The following RALGAPA1 variants were observed in gnomAD, a reference collection of about 807,000 sequenced individuals.
RALGAPA1 encodes Ral GTPase activating protein catalytic subunit alpha 1.
In RALGAPA1, 52 loss-of-function variants were observed where a neutral mutation model predicts 269.6. That is an observed-to-expected ratio of 0.19 (90% CI 0.15 to 0.24). The LOEUF (loss-of-function observed/expected upper bound fraction) is 0.24. Ranked by LOEUF, RALGAPA1 falls within the 10% of genes least tolerant of loss-of-function variation. RALGAPA1 has a pLI of 1.00. For synonymous variants in RALGAPA1, 817 were observed against 1,008.3 expected, an observed-to-expected ratio of 0.81 and a Z score of 3.60; for missense variants, 1,917 against 3,013.9, an observed-to-expected ratio of 0.64 and a Z score of 8.52.
intron 22 of RALGAPA1, among the ~76,000 whole-genome samples, chr14:35,675,729 C>T (rs1442467483): frequency 1.3e-5 from 2 of 151,988 alleles, no homozygotes; most frequent in Admixed American, 6.5e-5. Context: ...TTATTCTACT[C>T]AATGTATATA....
Position 35,721,694 on chromosome 14 carries a change from T to C in RALGAPA1, c.2260A>G (p.Thr754Ala). 1.2e-6 allele frequency: 2 copies of C among 1,612,586 alleles called. No homozygotes were observed. The highest frequency in any genetic ancestry group is 1.7e-6 in the Non-Finnish European group (2 of 1,179,698). ...GATTTTCAAGAGTACATACCGACAGTTTTTTGCCGTACTATACTCCTCGCC... is the reference window on the plus strand; with the variant it reads ...GATTTTCAAGAGTACATACCGACAGCTTTTTGCCGTACTATACTCCTCGCC... The part of the protein sequence containing the change: ...EKARSIVRQK[T>A]VAMRSRSIGE... The change falls in exon 16 of 42, where the codon ACT (threonine) becomes GCT (alanine). Residue 754 changes from threonine to alanine, a missense_variant. Around this residue, in one of 11 missense-constraint regions of RALGAPA1, gnomAD observed 125 missense variants for 155.7 expected, o/e 0.80. Coordinates refer to ENST00000680220, the MANE Select transcript of RALGAPA1 (RefSeq NM_001346249.2).
intron 39 of RALGAPA1, among the ~76,000 whole-genome samples, chr14:35,557,050 T>G (rs2055678137): frequency 6.6e-6 from 1 of 151,878 alleles, no homozygotes; most frequent in Non-Finnish European, 1.5e-5. Flanking sequence ...AATAATCCAG[T>G]AATCATTGGT....
chr14:35,728,109 G>A (rs1039063310), intron 13 of RALGAPA1, among the ~76,000 whole-genome samples: 1 of 152,150 alleles, frequency 6.6e-6, no homozygotes, highest in African/African-American at 2.4e-5. Flanking sequence ...CTTTCCTTAG[G>A]GGTTGAGGAG....
At chr14:35,683,782 G>T in intron 21 of RALGAPA1, 27 bp downstream of exon 21, 1 of 1,522,800 alleles carries the variant, frequency 6.6e-7, no homozygotes, top group Non-Finnish European at 8.9e-7. Context: ...ATACATTTAA[G>T]AAACACATTC....
At chr14:35,778,097 A>G (rs555909630) in intron 1 of RALGAPA1, among the ~76,000 whole-genome samples, 1 of 152,186 alleles carries the variant, frequency 6.6e-6, no homozygotes, top group Non-Finnish European at 1.5e-5. Flanking sequence ...GTCTCACTCT[A>G]TCACCCAGGC....
chr14:35,665,198 G>A (rs189988892), intron 26 of RALGAPA1, among the ~76,000 whole-genome samples: 2 of 152,188 alleles, frequency 1.3e-5, no homozygotes, highest in African/African-American at 4.8e-5. Context: ...TATGAAAGAG[G>A]AACCAATCTA....
At position 35,700,200 on chromosome 14, in the gene RALGAPA1, G is replaced by A. The variant is rs1413792619; in HGVS notation, c.2369C>T (p.Pro790Leu). The change falls in exon 17 of 42, where the codon CCT (proline) becomes CTT (leucine). Residue 790 changes from proline to leucine, a missense_variant. Pro to Leu is a moderately conservative substitution (Grantham distance 98). Transcript: ENST00000680220. ...AGAAAGGGGAGTGAGAACAATATCA[G>A]GCAAGAAGGGTTTGGAAGTATGGAT... Reference protein sequence around the residue: ...VLIHTSKPFLPDIVLTPLSDE... With the variant: ...VLIHTSKPFLLDIVLTPLSDE... 2.1e-5 allele frequency: 32 copies of A among 1,535,582 alleles called. No homozygotes were observed. The highest frequency in any genetic ancestry group is 2.3e-5 in the Non-Finnish European group (26 of 1,146,716).
chr14:35,779,949 C>T (rs2075319937), intron 1 of RALGAPA1, among the ~76,000 whole-genome samples: 1 of 152,050 alleles, frequency 6.6e-6, no homozygotes, highest in Non-Finnish European at 1.5e-5. Context: ...TGGTGAAACC[C>T]TGTCTCTACT....
chr14:35,555,047 T>C (rs1391025660), intron 39 of RALGAPA1, among the ~76,000 whole-genome samples: 1 of 152,176 alleles, frequency 6.6e-6, no homozygotes, highest in African/African-American at 2.4e-5. Context: ...AGAACTGGAT[T>C]TAGACTTTGA....
intron 39 of RALGAPA1, among the ~76,000 whole-genome samples, chr14:35,563,043 A>AAAAAAAAAAAC (rs2056412204): frequency 6.7e-6 from 1 of 149,042 alleles, no homozygotes; most frequent in African/African-American, 2.5e-5. Context: ...AAAAAAAAAA[A>AAAAAAAAAAAC]AAAAAGAATC....
chr14:35,717,075 AT>A (rs1408061115), intron 16 of RALGAPA1, among the ~76,000 whole-genome samples: 3 of 152,218 alleles, frequency 2.0e-5, no homozygotes, highest in Admixed American at 6.5e-5. Context: ...GGGCAAATTA[AT>A]TTCATATCCT....
chr14:35,573,931 G>T (rs1435490857), intron 37 of RALGAPA1, among the ~76,000 whole-genome samples: 1 of 152,078 alleles, frequency 6.6e-6, no homozygotes, highest in Non-Finnish European at 1.5e-5. Context: ...GAATACAAAA[G>T]AAATGTGAAA....
At chr14:35,684,402 C>T (rs1240872440) in intron 20 of RALGAPA1, among the ~76,000 whole-genome samples, 3 of 152,168 alleles carry the variant, frequency 2.0e-5, no homozygotes, top group Admixed American at 1.3e-4. Flanking sequence ...GGTACTGTAG[C>T]ATTGAACATA....
intron 7 of RALGAPA1, among the ~76,000 whole-genome samples, chr14:35,752,565 G>C (rs2072818170): frequency 6.6e-6 from 1 of 152,200 alleles, no homozygotes; most frequent in Admixed American, 6.6e-5. Flanking sequence ...CCTGACACAG[G>C]ACGCAGGGCA....
chr14:35,740,743 G>A lies in RALGAPA1; in HGVS notation c.1449+1625C>T, dbSNP rs568127204. On this transcript the variant is annotated intron_variant, in intron 11 of 41. Transcript: ENST00000680220. ...TGATGGCTTGAACCCGGGAGGTGGA[G>A]GTTACAGTGAGCTGAGCTCATGCCA... is the stretch of plus-strand genomic sequence containing the variant. Among the ~76,000 whole-genome samples, 9 of 152,306 alleles carry A rather than the reference G, an allele frequency of 5.9e-5. 1 individual carries two copies. In the South Asian group the frequency reaches 1.7e-3, roughly 28 times the overall value.
chr14:35,546,699 A>T (rs1299485119), intron 41 of RALGAPA1, among the ~76,000 whole-genome samples: 1 of 152,034 alleles, frequency 6.6e-6, no homozygotes, highest in Non-Finnish European at 1.5e-5. Context: ...CACATTTTAT[A>T]CTTCTGCTAG....
At chr14:35,572,449 G>C (rs2057279018) in intron 38 of RALGAPA1, 111 bp downstream of exon 38, 1 of 808,332 alleles carries the variant, frequency 1.2e-6, no homozygotes, top group South Asian at 2.0e-5. Context: ...TTTACCCTCA[G>C]TTTCACAACT....
intron 30 of RALGAPA1, among the ~76,000 whole-genome samples, chr14:35,652,364 T>TTATA (rs10645179): frequency 0.14 from 20,835 of 147,778 alleles, 2,475 homozygotes; most frequent in East Asian, 0.37. Context: ...GGCCTTTTGT[T>TTATA]TATATATATA....
chr14:35,722,058 C>T (rs1339253136), intron 15 of RALGAPA1, among the ~76,000 whole-genome samples: 1 of 151,872 alleles, frequency 6.6e-6, no homozygotes, highest in Non-Finnish European at 1.5e-5. Flanking sequence ...AAAATTACAC[C>T]ATTAGCAATA....
Sources: gnomAD v4.1 joint callset for allele counts (sites outside exome capture counted in the v4.1 genomes callset) on GRCh38, gnomAD v4.1.1 for gene constraint, gnomAD v4.1.1 regional missense constraint, MANE v1.5 for transcripts, NCBI Gene and HGNC (gene_info 2026-07-23, HGNC 2026-07-21) for gene names.